The following CACNA1G variants were observed in gnomAD, a reference collection of about 807,000 sequenced individuals.
CACNA1G encodes the protein voltage-dependent T-type calcium channel subunit alpha-1G.
Under a neutral mutation model 219.4 loss-of-function variants are expected in CACNA1G, and 67 were observed. The observed-to-expected ratio is 0.31, with a 90% CI of 0.25 to 0.37. The LOEUF is 0.37. CACNA1G is among the 10% of genes least tolerant of loss of function. The pLI, the probability that CACNA1G is intolerant of heterozygous loss-of-function variation, is 1.00. For synonymous variants in CACNA1G, 1,296 were observed against 1,345.3 expected, an observed-to-expected ratio of 0.96 and a Z score of 0.80; for missense variants, 2,380 against 3,231.4, an observed-to-expected ratio of 0.74 and a Z score of 6.39.
Position 50,590,459 on chromosome 17 carries a change from C to A in CACNA1G, c.2302-12C>A. 1 of 1,613,466 alleles carries A rather than the reference C, an allele frequency of 6.2e-7. No individual in the cohort carries two copies. Reference sequence around the variant, plus strand: ...ATAAGCCAGCTGCCTCACATCCCACCCTGCCCTGCAGCCCGAGGAGCTTAC... The same window carrying A: ...ATAAGCCAGCTGCCTCACATCCCACACTGCCCTGCAGCCCGAGGAGCTTAC... On this transcript the variant is annotated splice_polypyrimidine_tract_variant and intron_variant, in intron 9 of 37. Coordinates refer to ENST00000359106, the MANE Select transcript of CACNA1G (RefSeq NM_018896.5).
At chr17:50,570,571 G>GTGTGTGTGTGTGTGTGTGTT (rs1279433125) in intron 4 of CACNA1G, among the ~76,000 whole-genome samples, 1 of 151,342 alleles carries the variant, frequency 6.6e-6, no homozygotes, top group East Asian at 1.9e-4. Flanking sequence ...GTGTGTGTGT[G>GTGTGTGTGTGTGTGTGTGTT]TGTGTGTGTG....
chr17:50,613,172 G>A (rs1009641637), intron 26 of CACNA1G, among the ~76,000 whole-genome samples: 2 of 152,184 alleles, frequency 1.3e-5, no homozygotes, highest in African/African-American at 2.4e-5. Flanking sequence ...GTCATGCCTC[G>A]TAGCTAGCTG....
At position 50,604,958 on chromosome 17, in the gene CACNA1G, C is replaced by T. The variant is rs191318227; in HGVS notation, c.4296+677C>T. On this transcript the variant is annotated intron_variant, in intron 22 of 37. Transcript: ENST00000359106. Reference sequence around the variant, plus strand: ...GCTACACCCTCCCCTCCCCGCCCCTCGTTCCCTTGGCTTCCTGGGATGTCC... The same window carrying T: ...GCTACACCCTCCCCTCCCCGCCCCTTGTTCCCTTGGCTTCCTGGGATGTCC... Among the ~76,000 whole-genome samples, 829 of 152,260 alleles carry T rather than the reference C, an allele frequency of 5.4e-3. 4 individuals are homozygous for T. The highest frequency in any genetic ancestry group is 8.8e-3 in the Admixed American group (134 of 15,308).
rs1383273372 is a variant in CACNA1G at position 50,572,785 on chromosome 17, G to A, written c.978G>A (p.Gly326=). Residue 326 remains glycine, a synonymous_variant, in exon 6 of 38, where the codon GGG becomes GGA. Coordinates refer to ENST00000359106, the MANE Select transcript of CACNA1G (RefSeq NM_018896.5). ...WNQYYTNCSA[G]EHNPFKGAIN... ...AGTACTACACCAACTGCTCAGCGGG[G>A]GAGCACAACCCCTTCAAGGGCGCCA... The A allele has an allele frequency of 1.1e-5, 18 of 1,613,998 alleles. No individual in the cohort carries two copies. Among genetic ancestry groups the A allele is most frequent in the East Asian group, 2.2e-5 (1 of 44,880 alleles).
chr17:50,609,247 G>C (rs906017773), intron 25 of CACNA1G, among the ~76,000 whole-genome samples: 1 of 152,104 alleles, frequency 6.6e-6, no homozygotes, highest in African/African-American at 2.4e-5. Context: ...AGGTGGGAGG[G>C]GGCCTGTGTT....
At position 50,578,660 on chromosome 17, in the gene CACNA1G, C is replaced by A; in HGVS notation, c.2301+96C>A. The A allele has an allele frequency of 1.6e-6, 2 of 1,277,578 alleles. No individual in the cohort carries two copies. Among genetic ancestry groups the A allele is most frequent in the South Asian group, 1.6e-5 (1 of 63,654 alleles). The allele number at this position is 1,277,578 out of a possible 1,614,324, so 79.1% of individuals were successfully genotyped here. The stretch of plus-strand genomic sequence containing the variant: ...TCCGCACCCCTCCTCCTGAGCTCAG[C>A]TTCCTCTCCATGCTGCTAGCCCACC... On this transcript the variant is annotated intron_variant, in intron 9 of 37. Transcript: ENST00000359106. The surrounding 1 kb of genome is among the most constrained non-coding windows in gnomAD (Gnocchi z 4.5).
At chr17:50,606,434 T>A (rs1567713595) in intron 23 of CACNA1G, 1 of 594,266 alleles carries the variant, frequency 1.7e-6, no homozygotes, top group East Asian at 2.8e-5. Flanking sequence ...CATTAACTGG[T>A]GAATGGAGTC....
Position 50,617,828 on chromosome 17 carries a change from G to C in CACNA1G, c.5156-31G>C, listed in dbSNP as rs762970366. 6.2e-7 allele frequency: 1 copy of C among 1,610,568 alleles called. No homozygotes were observed. The highest frequency in any genetic ancestry group is 1.7e-5 in the Admixed American group (1 of 59,994). On this transcript the variant is annotated intron_variant, in intron 29 of 37. Coordinates refer to ENST00000359106, the MANE Select transcript of CACNA1G (RefSeq NM_018896.5). The surrounding 1 kb of genome is among the most constrained non-coding windows in gnomAD (Gnocchi z 5.8). ...AGCTGTCTGGCCGGGGACCCAAAGA[G>C]GCCAGCTCATGACGTTGTCCTGTTC...
rs755868934 is a variant in CACNA1G at position 50,578,483 on chromosome 17, G to C, written c.2220G>C (p.Val740=). Residue 740 remains valine (V), a synonymous_variant, in exon 9 of 38, where the codon GTG becomes GTC. Coordinates refer to ENST00000359106, the MANE Select transcript of CACNA1G (RefSeq NM_018896.5). The surrounding 1 kb of genome is among the most constrained non-coding windows in gnomAD (Gnocchi z 4.5). ...TCTGTGACACCTTCCGAAAGATTGT[G>C]GACAGCAAGTACTTTGGCCGGGGAA... ...RLICDTFRKI[V]DSKYFGRGIM... 25 of 1,593,636 alleles carry C rather than the reference G, an allele frequency of 1.6e-5. No individual in the cohort carries two copies. The highest frequency in any genetic ancestry group is 2.1e-5 in the Non-Finnish European group (24 of 1,168,054).
intron 16 of CACNA1G, among the ~76,000 whole-genome samples, chr17:50,597,323 C>T (rs1031938038): frequency 2.0e-5 from 3 of 152,160 alleles, no homozygotes; most frequent in Non-Finnish European, 4.4e-5. Flanking sequence ...ATTCTAAATG[C>T]ATTTAATCCT....
In CACNA1G at chr17:50,605,927, G is replaced by A. The variant is rs1228715547; in HGVS notation, c.4326G>A (p.Gln1442=). 21 of 1,613,408 alleles carry A rather than the reference G, an allele frequency of 1.3e-5. No homozygotes were observed. The highest frequency in any genetic ancestry group is 1.4e-5 in the Non-Finnish European group (17 of 1,179,888). ...QLFKGKFFVC[Q]GEDTRNITNK... ...TCAAAGGGAAGTTTTTCGTGTGCCA[G>A]GGCGAGGATACCAGGAACATCACCA... The change falls in exon 23 of 38, where the codon CAG becomes CAA. Residue 1442 remains glutamine (Q), a synonymous_variant. Coordinates refer to ENST00000359106, the MANE Select transcript of CACNA1G (RefSeq NM_018896.5).
At chr17:50,574,020 G>A (rs1433380621) in intron 7 of CACNA1G, among the ~76,000 whole-genome samples, 1 of 152,120 alleles carries the variant, frequency 6.6e-6, no homozygotes, top group South Asian at 2.1e-4. Flanking sequence ...TCCAAGAGTG[G>A]GGCATCACTG....
Position 50,627,167 on chromosome 17 carries a change from T to C in CACNA1G, c.*416T>C, listed in dbSNP as rs2053947017. The C allele has an allele frequency of 4.4e-6, 2 of 456,710 alleles. No individual in the cohort carries two copies. The highest frequency in any genetic ancestry group is 4.0e-5 in the African/African-American group (2 of 50,118). The allele number at this position is 456,710 out of a possible 1,614,324, so 28.3% of individuals were successfully genotyped here. ...TTTTTGAGGCGAAGGCGTCTGTCTC[T>C]TGGCTATTTTAACCTAAAATAACAG... On this transcript the variant is annotated 3_prime_UTR_variant, in exon 38 of 38. Coordinates refer to ENST00000359106, the MANE Select transcript of CACNA1G (RefSeq NM_018896.5).
chr17:50,601,864 G>A lies in CACNA1G; in HGVS notation c.3915+690G>A, dbSNP rs531950599. On this transcript the variant is annotated intron_variant, in intron 19 of 37. Transcript: ENST00000359106. Reference sequence around the variant, plus strand: ...CGGCATCCTGCACCACTTGCTTAGAGGTGGCCAGGGTTTGCCTCTCATCCC... The same window carrying A: ...CGGCATCCTGCACCACTTGCTTAGAAGTGGCCAGGGTTTGCCTCTCATCCC... Among the ~76,000 whole-genome samples, 167 of 152,310 alleles carry A rather than the reference G, an allele frequency of 1.1e-3. 3 individuals are homozygous for A. The South Asian group carries it at 0.033, about 30-fold the overall frequency.
intron 16 of CACNA1G, among the ~76,000 whole-genome samples, chr17:50,598,576 C>T (rs1041423325): frequency 6.6e-6 from 1 of 152,244 alleles, no homozygotes; most frequent in African/African-American, 2.4e-5. Flanking sequence ...ACCAACAGGA[C>T]ACAAGGGTTC....
chr17:50,614,810 T>C (rs1477517163), intron 26 of CACNA1G, among the ~76,000 whole-genome samples: 1 of 152,148 alleles, frequency 6.6e-6, no homozygotes, highest in Non-Finnish European at 1.5e-5. Flanking sequence ...GGCCCCGCCT[T>C]CTGGAGGCCC....
At chr17:50,570,940 CA>C (rs1445656223) in intron 4 of CACNA1G, among the ~76,000 whole-genome samples, 4 of 152,106 alleles carry the variant, frequency 2.6e-5, no homozygotes, top group African/African-American at 4.8e-5. Flanking sequence ...CTGGAGGGGC[CA>C]GGGGGCCATA....
intron 16 of CACNA1G, among the ~76,000 whole-genome samples, chr17:50,598,178 C>T (rs916923265): frequency 1.1e-4 from 16 of 152,232 alleles, no homozygotes; most frequent in South Asian, 6.2e-4. Context: ...TAGGCATGTG[C>T]CACCATGTCC....
intron 1 of CACNA1G, among the ~76,000 whole-genome samples, chr17:50,566,497 T>C (rs1027700305): frequency 1.3e-5 from 2 of 152,194 alleles, no homozygotes; most frequent in Non-Finnish European, 2.9e-5. Flanking sequence ...GAGCTGTGCA[T>C]GAGGTTATTC....
Sources: allele counts gnomAD v4.1 joint callset (sites outside exome capture counted in the v4.1 genomes callset), GRCh38; gene constraint gnomAD v4.1.1; non-coding constraint Gnocchi (gnomAD v3.1); transcripts MANE v1.5; gene names NCBI Gene and HGNC (gene_info 2026-07-23, HGNC 2026-07-21).